Variants in MAPDA observed in about 807,000 individuals in gnomAD.
The protein encoded by MAPDA is N6-Methyl-AMP deaminase, also known as N6,N6-dimethyl-AMP deaminase.
At chr15:43,334,633 T>TTATATATATA in the MAPDA span, among the ~76,000 whole-genome samples, 755 of 65,098 alleles carry the variant, frequency 0.012, 45 homozygotes, top group East Asian at 0.04. Flanking sequence ...CTCAAAAAAA[T>TTATATATATA]TATATATATA....
At chr15:43,338,121 T>C in the MAPDA span, among the ~76,000 whole-genome samples, 1 of 152,264 alleles carries the variant, frequency 6.6e-6, no homozygotes, top group Non-Finnish European at 1.5e-5. Context: ...ATTAATGGCA[T>C]GCTTGTTGCT....
the MAPDA span, among the ~76,000 whole-genome samples, chr15:43,344,819 AAAAG>A: frequency 1.3e-5 from 2 of 151,848 alleles, no homozygotes; most frequent in Admixed American, 6.6e-5. Context: ...AAAAAAAAAA[AAAAG>A]AAATATTAAC....
the MAPDA span, chr15:43,351,070 T>A: frequency 1.3e-6 from 2 of 1,533,200 alleles, no homozygotes; most frequent in South Asian, 2.4e-5. Context: ...AGTATTTTGC[T>A]CCTTTTTGCT....
the MAPDA span, chr15:43,354,270 G>A: frequency 6.6e-6 from 1 of 152,286 alleles, no homozygotes; most frequent in Non-Finnish European, 1.5e-5. Flanking sequence ...ACAGGGGAGA[G>A]GGAAGTTCTG....
chr15:43,348,894 C>T, the MAPDA span: 2 of 1,612,534 alleles, frequency 1.2e-6, no homozygotes, highest in Non-Finnish European at 1.7e-6. Context: ...CCCCTTTCCT[C>T]CCCTTTCTTT....
At chr15:43,345,678 T>A in the MAPDA span, among the ~76,000 whole-genome samples, 5 of 152,204 alleles carry the variant, frequency 3.3e-5, no homozygotes, top group African/African-American at 1.2e-4. Context: ...ATTTAGGAAT[T>A]CATGTCTCAG....
chr15:43,338,731 A>C, the MAPDA span, among the ~76,000 whole-genome samples: 1 of 152,328 alleles, frequency 6.6e-6, no homozygotes, highest in South Asian at 2.1e-4. Flanking sequence ...GCTGCACATC[A>C]CAGAAAGGGC....
chr15:43,331,992 A>C, the MAPDA span: 1 of 152,216 alleles, frequency 6.6e-6, no homozygotes, highest in Non-Finnish European at 1.5e-5. Context: ...ATGAGAAGAC[A>C]ACTCACTGGT....
chr15:43,345,370 A>C, the MAPDA span, among the ~76,000 whole-genome samples: 1 of 54,448 alleles, frequency 1.8e-5, no homozygotes, highest in Admixed American at 1.5e-4. Flanking sequence ...AAAAAAAAAA[A>C]AATAGGACAA....
At chr15:43,330,357 C>G in the MAPDA span, 76 of 1,603,912 alleles carry the variant, frequency 4.7e-5, no homozygotes, top group Non-Finnish European at 6.0e-5. Context: ...CGGCGCGCCG[C>G]GCCCGGAACC....
chr15:43,335,197 A>G, the MAPDA span: 1 of 1,608,438 alleles, frequency 6.2e-7, no homozygotes, highest in South Asian at 1.1e-5. Flanking sequence ...AGAAATCTTG[A>G]GTGGTTGCTA....
At chr15:43,343,163 A>T in the MAPDA span, 37 of 894,878 alleles carry the variant, frequency 4.1e-5, no homozygotes, top group South Asian at 4.8e-4. Flanking sequence ...TGGATTTTTT[A>T]AAATTAATCA....
At chr15:43,334,499 GT>G in the MAPDA span, among the ~76,000 whole-genome samples, 2 of 150,762 alleles carry the variant, frequency 1.3e-5, no homozygotes, top group African/African-American at 4.9e-5. Context: ...GTGGTGGCAT[GT>G]ACCTGTAATC....
the MAPDA span, among the ~76,000 whole-genome samples, chr15:43,343,700 G>C: frequency 6.6e-6 from 1 of 151,942 alleles, no homozygotes; most frequent in Non-Finnish European, 1.5e-5. Flanking sequence ...CCACCCACTA[G>C]GGTGTAAGTG....
chr15:43,345,995 C>A, the MAPDA span: 2 of 1,613,328 alleles, frequency 1.2e-6, no homozygotes, highest in South Asian at 2.2e-5. Flanking sequence ...GTTATTTTTC[C>A]TACGTACATT....
the MAPDA span, chr15:43,345,881 T>G: frequency 6.2e-7 from 1 of 1,614,170 alleles, no homozygotes; most frequent in Non-Finnish European, 8.5e-7. Context: ...ACAGAAGAGG[T>G]GGCCCTTTAG....
chr15:43,345,349 C>T, the MAPDA span, among the ~76,000 whole-genome samples: 1 of 120,588 alleles, frequency 8.3e-6, no homozygotes, highest in Non-Finnish European at 1.6e-5. Flanking sequence ...AGTGAGATTC[C>T]ATCTCAAAAA....
At chr15:43,337,310 C>T in the MAPDA span, among the ~76,000 whole-genome samples, 1 of 150,338 alleles carries the variant, frequency 6.7e-6, no homozygotes, top group Non-Finnish European at 1.5e-5. Context: ...AAGTATTAGA[C>T]CACAGATGGG....
chr15:43,352,788 G>A, the MAPDA span: 5 of 152,354 alleles, frequency 3.3e-5, no homozygotes, highest in African/African-American at 9.6e-5. Flanking sequence ...TGAATGCCTA[G>A]GGATGACCGT....
Sources: allele counts gnomAD v4.1 joint callset (sites outside exome capture counted in the v4.1 genomes callset), GRCh38; gene constraint gnomAD v4.1.1; transcripts MANE v1.5; gene names NCBI Gene and HGNC (gene_info 2026-07-23, HGNC 2026-07-21).